Variants in SUMF1 observed in about 807,000 individuals in gnomAD.
SUMF1 encodes sulfatase modifying factor 1.
Under a neutral mutation model 47.6 loss-of-function variants are expected in SUMF1, and 48 were observed. The ratio of observed to expected loss-of-function variants is 1.01; its 90% CI spans 0.80 to 1.28. The LOEUF (loss-of-function observed/expected upper bound fraction) is 1.28. SUMF1 is among the 50% of genes most tolerant of loss of function. The pLI, the probability that SUMF1 is intolerant of heterozygous loss-of-function variation, is 0.00. For missense variants in SUMF1, 571 were observed against 485.4 expected (o/e 1.18, Z -1.66); for synonymous variants, 230 against 192.1 (o/e 1.20, Z -1.63).
At chr3:4,357,306 T>G (rs73022010), downstream of SUMF1, among the ~76,000 whole-genome samples, 33,392 of 133,110 alleles carry the variant, frequency 0.25, 4,614 homozygotes, top group Admixed American at 0.35. Context: ...GCACTATGTT[T>G]ACGGTGGTTT....
At chr3:4,303,253 C>T (rs960960935) in intron 8 of SUMF1, 2 of 1,184,476 alleles carry the variant, frequency 1.7e-6, no homozygotes, top group Non-Finnish European at 2.3e-6. Context: ...CCAGGCCACT[C>T]CTGAGAAGAA....
chr3:4,040,498 A>G (rs1410976136), intron 9 of SUMF1, among the ~76,000 whole-genome samples: 3 of 152,186 alleles, frequency 2.0e-5, no homozygotes, highest in Non-Finnish European at 4.4e-5. Flanking sequence ...TACGGGATAT[A>G]TTTATTGAAC....
intron 7 of SUMF1, among the ~76,000 whole-genome samples, chr3:4,399,616 T>G (rs1396236452): frequency 6.6e-6 from 1 of 152,108 alleles, no homozygotes; most frequent in Non-Finnish European, 1.5e-5. Context: ...TGTAATTCAC[T>G]GCCAAGAAAA....
At chr3:4,429,788 A>G (rs1702178023) in intron 3 of SUMF1, among the ~76,000 whole-genome samples, 1 of 152,166 alleles carries the variant, frequency 6.6e-6, no homozygotes, top group Non-Finnish European at 1.5e-5. Context: ...CACAGCCACA[A>G]GAACACAGAA....
intron 3 of SUMF1, among the ~76,000 whole-genome samples, chr3:4,441,432 A>T (rs1186899206): frequency 6.6e-6 from 1 of 152,194 alleles, no homozygotes; most frequent in African/African-American, 2.4e-5. Context: ...TAAAGTACAC[A>T]ATAAATATAA....
intron 8 of SUMF1, among the ~76,000 whole-genome samples, chr3:4,166,216 G>T (rs1404253405): frequency 1.3e-5 from 2 of 152,082 alleles, no homozygotes; most frequent in African/African-American, 4.8e-5. Context: ...ATTTTCCCCT[G>T]TTAGTACTGG....
At chr3:4,401,335 T>C (rs1171949645) in intron 7 of SUMF1, among the ~76,000 whole-genome samples, 1 of 152,152 alleles carries the variant, frequency 6.6e-6, no homozygotes, top group East Asian at 1.9e-4. Flanking sequence ...TACCCAGTAA[T>C]GGGATCGCTG....
intron 8 of SUMF1, among the ~76,000 whole-genome samples, chr3:4,069,220 G>A (rs1695455996): frequency 6.6e-6 from 1 of 152,118 alleles, no homozygotes; most frequent in African/African-American, 2.4e-5. Flanking sequence ...AAACAAAAGT[G>A]AGCTCTACAC....
intron 8 of SUMF1, among the ~76,000 whole-genome samples, chr3:4,090,482 C>T (rs1692762233): frequency 6.6e-6 from 1 of 152,080 alleles, no homozygotes; most frequent in Non-Finnish European, 1.5e-5. Flanking sequence ...GGATAGGCTC[C>T]AGCCACCCAT....
At chr3:4,212,046 G>A (rs1286983702) in intron 8 of SUMF1, among the ~76,000 whole-genome samples, 4 of 152,178 alleles carry the variant, frequency 2.6e-5, no homozygotes, top group African/African-American at 7.2e-5. Context: ...CTGAAGAGAG[G>A]AGCAGACCTC....
At chr3:4,448,552 C>T (rs1335772920) in intron 3 of SUMF1, among the ~76,000 whole-genome samples, 1 of 152,158 alleles carries the variant, frequency 6.6e-6, no homozygotes, top group Non-Finnish European at 1.5e-5. Context: ...ACCCTCACTC[C>T]TTCCCTTGTT....
chr3:4,321,432 A>G (rs1698827330), intron 8 of SUMF1, among the ~76,000 whole-genome samples: 1 of 146,934 alleles, frequency 6.8e-6, no homozygotes, highest in South Asian at 2.2e-4. Context: ...ACAAGCTGAG[A>G]CTGGAGCATC....
At chr3:4,076,722 G>A (rs112977421) in intron 8 of SUMF1, among the ~76,000 whole-genome samples, 3,152 of 152,144 alleles carry the variant, frequency 0.021, 132 homozygotes, top group African/African-American at 0.07. Flanking sequence ...GACACTGGCC[G>A]GGCGTGGTGG....
chr3:4,086,539 A>G (rs1692675997), intron 8 of SUMF1, among the ~76,000 whole-genome samples: 1 of 152,140 alleles, frequency 6.6e-6, no homozygotes. Flanking sequence ...AGAATTCCTC[A>G]TCTATTAAAT....
At chr3:4,220,312 T>C (rs1055800180) in intron 8 of SUMF1, among the ~76,000 whole-genome samples, 4 of 152,012 alleles carry the variant, frequency 2.6e-5, no homozygotes, top group Non-Finnish European at 4.4e-5. Context: ...TAAAATTGAG[T>C]TCCTTTGCTA....
chr3:4,101,056 T>C (rs1693020431), intron 8 of SUMF1, among the ~76,000 whole-genome samples: 1 of 152,044 alleles, frequency 6.6e-6, no homozygotes, highest in Admixed American at 6.6e-5. Context: ...CCGTCGGTGA[T>C]ATTATAAATT....
chr3:4,059,804 A>AG (rs1695248102), intron 9 of SUMF1, among the ~76,000 whole-genome samples: 2 of 152,018 alleles, frequency 1.3e-5, no homozygotes, highest in East Asian at 3.9e-4. Context: ...TGGAAAAAAA[A>AG]AAAAAAAACC....
chr3:4,316,075 GTT>G (rs1698630233), intron 8 of SUMF1: 1 of 482,414 alleles, frequency 2.1e-6, no homozygotes, highest in Admixed American at 3.4e-5. Context: ...AAAAGTAACA[GTT>G]TTTGCATTGT....
intron 7 of SUMF1, among the ~76,000 whole-genome samples, chr3:4,400,693 C>G (rs1307118393): frequency 6.6e-6 from 1 of 152,136 alleles, no homozygotes; most frequent in African/African-American, 2.4e-5. Context: ...ATCCTCAGAA[C>G]AGTTCAATAT....
Sources: gnomAD v4.1 joint callset for allele counts (sites outside exome capture counted in the v4.1 genomes callset) on GRCh38, gnomAD v4.1.1 for gene constraint, MANE v1.5 for transcripts, NCBI Gene and HGNC (gene_info 2026-07-23, HGNC 2026-07-21) for gene names.